Variants in IFIH1 observed in about 807,000 individuals in gnomAD.
IFIH1 encodes the protein interferon-induced helicase C domain-containing protein 1.
In IFIH1, 125 loss-of-function variants were observed where a neutral mutation model predicts 107.4. The ratio of observed to expected loss-of-function variants is 1.16; its 90% CI spans 1.01 to 1.35. The LOEUF (loss-of-function observed/expected upper bound fraction) is 1.35. Ranked by LOEUF, IFIH1 falls within the 40% of genes most tolerant of loss-of-function variation. The pLI is 0.00. For synonymous variants in IFIH1, 458 were observed against 413.2 expected (o/e 1.11, Z -1.31); for missense variants, 1,333 against 1,213.7 (o/e 1.10, Z -1.46).
chr2:162,314,607 C>T (rs1341397814), intron 1 of IFIH1, among the ~76,000 whole-genome samples: 1 of 151,876 alleles, frequency 6.6e-6, no homozygotes, highest in East Asian at 1.9e-4. Flanking sequence ...CCTGCCTCAG[C>T]CTCCCGAGTA....
At chr2:162,297,486 A>G (rs1683113017) in intron 3 of IFIH1, among the ~76,000 whole-genome samples, 4 of 152,258 alleles carry the variant, frequency 2.6e-5, no homozygotes, top group South Asian at 2.1e-4. Context: ...TTTAAAAAAT[A>G]TATAGAGAGA....
At chr2:162,283,182 C>T (rs540068711) in intron 5 of IFIH1, among the ~76,000 whole-genome samples, 1 of 151,848 alleles carries the variant, frequency 6.6e-6, no homozygotes, top group African/African-American at 2.4e-5. Flanking sequence ...TTGGATTAGA[C>T]CAGAAGCAAC....
At chr2:162,314,437 TTTCTTTCTTTC>T (rs1683446142) in intron 1 of IFIH1, among the ~76,000 whole-genome samples, 1 of 116,206 alleles carries the variant, frequency 8.6e-6, no homozygotes, top group Non-Finnish European at 1.6e-5. Context: ...TCTTTCTTTC[TTTCTTTCTTTC>T]TTTCTTTCTT....
At chr2:162,298,259 C>T (rs1683129835) in intron 3 of IFIH1, among the ~76,000 whole-genome samples, 1 of 152,102 alleles carries the variant, frequency 6.6e-6, no homozygotes, top group Non-Finnish European at 1.5e-5. Context: ...CTATTTTTGG[C>T]CTAGAGGCAT....
rs1018886793 is a variant in IFIH1, at chr2:162,310,906, C to G, written c.481G>C (p.Glu161Gln). Residue 161 changes from glutamate to glutamine, a missense_variant, in exon 2 of 16, where the codon GAA becomes CAA. Coordinates refer to ENST00000649979, the MANE Select transcript of IFIH1 (RefSeq NM_022168.4). ...TTTAGTAGCTCTCTTACACCTGATT[C>G]ATTTCCATTGTTTTCTGCAGCAGCA... is the stretch of plus-strand genomic sequence containing the variant. Reference protein sequence around the residue: ...RIAAAENNGNESGVRELLKRI... With the variant: ...RIAAAENNGNQSGVRELLKRI... 6.2e-7 allele frequency: 1 copy of G among 1,613,256 alleles called. No homozygotes were observed. The highest frequency in any genetic ancestry group is 1.3e-5 in the African/African-American group (1 of 74,904).
chr2:162,313,877 T>C (rs2105233035), intron 1 of IFIH1, among the ~76,000 whole-genome samples: 1 of 152,334 alleles, frequency 6.6e-6, no homozygotes, highest in South Asian at 2.1e-4. Context: ...AATACAATGT[T>C]CCTGGGGAGA....
Position 162,272,405 on chromosome 2 carries a change from T to G in IFIH1, c.2455-18A>C. The G allele has an allele frequency of 6.2e-7, 1 of 1,606,508 alleles. No individual in the cohort carries two copies. Among genetic ancestry groups the G allele is most frequent in the Non-Finnish European group, 8.5e-7 (1 of 1,176,362 alleles). Reference sequence around the variant, plus strand: ...CCACGGGCCTGAAAACACAAATAAATCAAGTAAATGAAAGGGTACGTTGTG... The same window carrying G: ...CCACGGGCCTGAAAACACAAATAAAGCAAGTAAATGAAAGGGTACGTTGTG... On this transcript the variant is annotated intron_variant, in intron 12 of 15. Coordinates refer to ENST00000649979, the MANE Select transcript of IFIH1 (RefSeq NM_022168.4).
intron 3 of IFIH1, among the ~76,000 whole-genome samples, chr2:162,304,766 G>GA (rs1270221324): frequency 6.6e-6 from 1 of 152,138 alleles, no homozygotes; most frequent in African/African-American, 2.4e-5. Context: ...CAGCCAAATT[G>GA]AAAAGATTGA....
At chr2:162,309,336 G>A (rs1161749053) in intron 2 of IFIH1, among the ~76,000 whole-genome samples, 1 of 152,218 alleles carries the variant, frequency 6.6e-6, no homozygotes, top group Admixed American at 6.5e-5. Context: ...ACTAAAACCA[G>A]AGAGACAGTT....
In IFIH1 at chr2:162,288,228, T is replaced by C; in HGVS notation, c.1002A>G (p.Gly334=). ...CAATGTAAACAGCCACTCTGGTTTTTCCACTCCCTGTAGGGAGGCAGATGA... is the reference window on the plus strand; with the variant it reads ...CAATGTAAACAGCCACTCTGGTTTTCCCACTCCCTGTAGGGAGGCAGATGA... ...NIIICLPTGS[G]KTRVAVYIAK... The change falls in exon 5 of 16, where the codon GGA becomes GGG. Residue 334 remains glycine (G), a synonymous_variant. Coordinates refer to ENST00000649979, the MANE Select transcript of IFIH1 (RefSeq NM_022168.4). The C allele has an allele frequency of 6.2e-7, 1 of 1,612,860 alleles. No individual in the cohort carries two copies.
At chr2:162,305,426 C>T (rs557813724) in intron 3 of IFIH1, among the ~76,000 whole-genome samples, 51 of 151,946 alleles carry the variant, frequency 3.4e-4, no homozygotes, top group African/African-American at 1.1e-3. Context: ...AAAAATTAGC[C>T]GGGCATGGTG....
chr2:162,289,186 T>G (rs1381465881), intron 4 of IFIH1, among the ~76,000 whole-genome samples: 1 of 151,870 alleles, frequency 6.6e-6, no homozygotes, highest in Admixed American at 6.6e-5. Context: ...GCTCCACATA[T>G]TCCAACTTTT....
intron 3 of IFIH1, among the ~76,000 whole-genome samples, chr2:162,294,804 A>G (rs1683055738): frequency 1.3e-5 from 2 of 151,844 alleles, no homozygotes; most frequent in Admixed American, 1.3e-4. Flanking sequence ...AAGCCTCTTA[A>G]CACACCAATG....
intron 3 of IFIH1, among the ~76,000 whole-genome samples, chr2:162,302,140 A>C (rs1047905140): frequency 6.6e-6 from 1 of 152,066 alleles, no homozygotes; most frequent in Admixed American, 6.6e-5. Flanking sequence ...ATGTGTTTAA[A>C]ATTAGTTTCA....
rs771145026 is a variant in IFIH1, at chr2:162,306,714, A to G, written c.764T>C (p.Val255Ala). The change falls in exon 3 of 16, where the codon GTT becomes GCT. Residue 255 changes from valine to alanine, a missense_variant. Coordinates refer to ENST00000649979, the MANE Select transcript of IFIH1 (RefSeq NM_022168.4). ...TACGTATGTGTTTCAAGTACCTGAAACTACAGAAGAATCTGCAAAAGATGA... is the reference window on the plus strand; with the variant it reads ...TACGTATGTGTTTCAAGTACCTGAAGCTACAGAAGAATCTGCAAAAGATGA... ...SESSFADSSV[V>A]SESDTSLAEG... The G allele has an allele frequency of 6.2e-7, 1 of 1,613,626 alleles. No homozygotes were observed. Among genetic ancestry groups the G allele is most frequent in the South Asian group, 1.1e-5 (1 of 91,034 alleles).
intron 3 of IFIH1, among the ~76,000 whole-genome samples, chr2:162,302,220 A>AACAC (rs371525578): frequency 6.6e-6 from 1 of 151,856 alleles, no homozygotes; most frequent in African/African-American, 2.4e-5. Context: ...AAGGTGCTAA[A>AACAC]ACACACACAC....
chr2:162,309,383 T>C (rs1219137741), intron 2 of IFIH1, among the ~76,000 whole-genome samples: 1 of 152,194 alleles, frequency 6.6e-6, no homozygotes, highest in East Asian at 1.9e-4. Flanking sequence ...TGCCTTGGCC[T>C]CTGGGTCTGT....
chr2:162,293,539 G>T, intron 4 of IFIH1, 25 bp downstream of exon 4: 1 of 1,468,996 alleles, frequency 6.8e-7, no homozygotes, highest in Non-Finnish European at 9.5e-7. Context: ...CACTTTTTAA[G>T]GTTTACACAA....
intron 5 of IFIH1, among the ~76,000 whole-genome samples, chr2:162,286,840 A>G (rs1018576186): frequency 2.0e-5 from 3 of 151,996 alleles, no homozygotes; most frequent in African/African-American, 7.2e-5. Flanking sequence ...TAAGAGTAAA[A>G]GCAGGAGTCA....
Sources: allele counts gnomAD v4.1 joint callset (sites outside exome capture counted in the v4.1 genomes callset), GRCh38; gene constraint gnomAD v4.1.1; transcripts MANE v1.5; gene names NCBI Gene and HGNC (gene_info 2026-07-23, HGNC 2026-07-21).